The following ENTREP2 variants were observed in gnomAD, a reference collection of about 807,000 sequenced individuals.
The protein encoded by ENTREP2 is endosomal transmembrane epsin interactor 2, also known as protein ENTREP2.
chr15:29,259,512 T>C, the ENTREP2 span, among the ~76,000 whole-genome samples: 2 of 152,200 alleles, frequency 1.3e-5, no homozygotes, highest in Non-Finnish European at 2.9e-5. Context: ...TCCCAGCATC[T>C]GTGGGAGGGT....
chr15:29,327,727 G>A, the ENTREP2 span, among the ~76,000 whole-genome samples: 1 of 152,012 alleles, frequency 6.6e-6, no homozygotes, highest in Non-Finnish European at 1.5e-5. Flanking sequence ...GCAACAATAA[G>A]ATACCATTAC....
At chr15:29,441,578 G>A in the ENTREP2 span, among the ~76,000 whole-genome samples, 4 of 152,104 alleles carry the variant, frequency 2.6e-5, no homozygotes, top group South Asian at 2.1e-4. Context: ...GAGAATATAC[G>A]TTATGAATTA....
the ENTREP2 span, among the ~76,000 whole-genome samples, chr15:29,518,239 T>C: frequency 6.6e-6 from 1 of 151,936 alleles, no homozygotes; most frequent in Non-Finnish European, 1.5e-5. Context: ...AAAACTACTC[T>C]CTTAGCATAT....
the ENTREP2 span, among the ~76,000 whole-genome samples, chr15:29,427,169 A>C: frequency 6.6e-6 from 1 of 152,302 alleles, no homozygotes; most frequent in Admixed American, 6.5e-5. Flanking sequence ...TATATATACT[A>C]TTAATTGCTG....
the ENTREP2 span, among the ~76,000 whole-genome samples, chr15:29,478,840 G>A: frequency 6.6e-6 from 1 of 150,412 alleles, no homozygotes; most frequent in Non-Finnish European, 1.5e-5. Flanking sequence ...GGGAGGCGGA[G>A]GTTGCAGTGA....
chr15:29,226,298 CT>C, the ENTREP2 span, among the ~76,000 whole-genome samples: 1 of 152,124 alleles, frequency 6.6e-6, no homozygotes, highest in African/African-American at 2.4e-5. Context: ...TGCTAGGAAA[CT>C]TTGGGGGTTT....
chr15:29,650,181 A>T, the ENTREP2 span, among the ~76,000 whole-genome samples: 1 of 152,172 alleles, frequency 6.6e-6, no homozygotes, highest in East Asian at 1.9e-4. Context: ...TAAACTTAAA[A>T]AAAAAAAAAG....
chr15:29,419,758 C>T, the ENTREP2 span, among the ~76,000 whole-genome samples: 1 of 152,242 alleles, frequency 6.6e-6, no homozygotes, highest in African/African-American at 2.4e-5. Context: ...CATTTTCTAA[C>T]AAAATTGATG....
chr15:29,149,647 G>T, the ENTREP2 span, among the ~76,000 whole-genome samples: 1 of 152,220 alleles, frequency 6.6e-6, no homozygotes, highest in Non-Finnish European at 1.5e-5. Flanking sequence ...TTAGAGCCGA[G>T]GAAACGGGGT....
At chr15:29,537,209 GGGAC>G in the ENTREP2 span, among the ~76,000 whole-genome samples, 1 of 152,072 alleles carries the variant, frequency 6.6e-6, no homozygotes, top group South Asian at 2.1e-4. Context: ...CCCAAGGGAG[GGGAC>G]TACCAAGCAG....
chr15:29,573,685 GTC>G, the ENTREP2 span, among the ~76,000 whole-genome samples: 2 of 146,098 alleles, frequency 1.4e-5, no homozygotes, highest in Non-Finnish European at 3.0e-5. Flanking sequence ...TTCTCTCTGT[GTC>G]TGTCTTTCCC....
At chr15:29,666,159 A>G in the ENTREP2 span, among the ~76,000 whole-genome samples, 1 of 151,112 alleles carries the variant, frequency 6.6e-6, no homozygotes, top group Non-Finnish European at 1.5e-5. Flanking sequence ...CCTGGCCTAC[A>G]TCGTCTTTTG....
At chr15:29,138,567 G>GCA in the ENTREP2 span, among the ~76,000 whole-genome samples, 2 of 106,046 alleles carry the variant, frequency 1.9e-5, no homozygotes, top group East Asian at 5.7e-4. Context: ...ATGTGCATGT[G>GCA]TATGTGCATG....
the ENTREP2 span, among the ~76,000 whole-genome samples, chr15:29,652,754 G>A: frequency 1.1e-4 from 17 of 152,308 alleles, no homozygotes; most frequent in African/African-American, 2.9e-4. Flanking sequence ...TTCAGGAGCC[G>A]GCCCACTTGA....
the ENTREP2 span, among the ~76,000 whole-genome samples, chr15:29,467,086 A>G: frequency 6.6e-6 from 1 of 151,146 alleles, no homozygotes; most frequent in African/African-American, 2.4e-5. Flanking sequence ...GCCCCAGGGG[A>G]GGGCCCAGGG....
At chr15:29,648,852 T>C in the ENTREP2 span, among the ~76,000 whole-genome samples, 41 of 152,020 alleles carry the variant, frequency 2.7e-4, no homozygotes, top group African/African-American at 9.2e-4. Context: ...GGCAGGAGAA[T>C]TGCTTGAACT....
the ENTREP2 span, among the ~76,000 whole-genome samples, chr15:29,574,442 C>T: frequency 5.9e-5 from 9 of 152,248 alleles, no homozygotes; most frequent in East Asian, 1.9e-4. Context: ...TACAGGCGCA[C>T]GCCCCCATGC....
At chr15:29,454,435 C>T in the ENTREP2 span, among the ~76,000 whole-genome samples, 3 of 152,110 alleles carry the variant, frequency 2.0e-5, no homozygotes, top group African/African-American at 7.2e-5. Context: ...TCAATCTTTC[C>T]CCTTATTATG....
the ENTREP2 span, chr15:29,234,440 G>A: frequency 6.6e-7 from 1 of 1,513,894 alleles, no homozygotes; most frequent in African/African-American, 1.4e-5. Flanking sequence ...CCCTCGACCT[G>A]CATAATTCCC....
Sources: allele counts gnomAD v4.1 joint callset (sites outside exome capture counted in the v4.1 genomes callset), GRCh38; gene constraint gnomAD v4.1.1; transcripts MANE v1.5; gene names NCBI Gene and HGNC (gene_info 2026-07-23, HGNC 2026-07-21).